MAML3: variants seen among roughly 807,000 people sequenced by gnomAD.
MAML3 encodes mastermind like transcriptional coactivator 3.
A neutral mutation model predicts 101.9 loss-of-function variants in MAML3; 27 were observed. The ratio of observed to expected loss-of-function variants is 0.27; its 90% confidence interval spans 0.20 to 0.37. The LOEUF is 0.37. MAML3 is among the 10% of genes least tolerant of loss of function. The probability of loss-of-function intolerance (pLI) is 1.00; values close to 1 mark genes in which losing one functional copy is unlikely to be tolerated. For synonymous variants in MAML3, 501 were observed against 555.9 expected (o/e 0.90, Z 1.39); for missense variants, 1,316 against 1,444.9 (o/e 0.91, Z 1.45).
chr4:139,953,524 G>A (rs994894459), intron 1 of MAML3, among the ~76,000 whole-genome samples: 5 of 152,310 alleles, frequency 3.3e-5, no homozygotes, highest in Middle Eastern at 3.4e-3. Flanking sequence ...TACTCAGGAG[G>A]CTGAGGCAGG....
At chr4:140,056,103 G>A (rs1727344596) in intron 1 of MAML3, among the ~76,000 whole-genome samples, 1 of 152,328 alleles carries the variant, frequency 6.6e-6, no homozygotes, top group Admixed American at 6.5e-5. Context: ...TGGCTGAGAT[G>A]TTCCCAGAGG....
At chr4:139,898,076 T>C (rs1420826779) in intron 1 of MAML3, among the ~76,000 whole-genome samples, 1 of 152,188 alleles carries the variant, frequency 6.6e-6, no homozygotes, top group African/African-American at 2.4e-5. Flanking sequence ...TTCCTACAAC[T>C]CCTGATGTTG....
intron 1 of MAML3, among the ~76,000 whole-genome samples, chr4:140,083,599 C>T (rs1434345602): frequency 6.6e-6 from 1 of 152,180 alleles, no homozygotes; most frequent in Admixed American, 6.5e-5. Context: ...ACATGCAGGT[C>T]TGCCTGTCAA....
At chr4:140,134,397 G>C (rs1234493306) in intron 1 of MAML3, 2 of 456,676 alleles carry the variant, frequency 4.4e-6, no homozygotes, top group South Asian at 3.1e-5. Flanking sequence ...CACCTCCAGG[G>C]CACAGGCATA....
intron 2 of MAML3, among the ~76,000 whole-genome samples, chr4:139,769,152 T>G (rs2111064909): frequency 6.6e-6 from 1 of 152,278 alleles, no homozygotes; most frequent in African/African-American, 2.4e-5. Context: ...GCAGAACCCT[T>G]CAGGATGGGA....
intron 1 of MAML3, among the ~76,000 whole-genome samples, chr4:139,891,381 C>T (rs574500306): frequency 1.3e-5 from 2 of 152,270 alleles, no homozygotes; most frequent in South Asian, 2.1e-4. Context: ...CAGGTTCAAG[C>T]GATTCTGCTG....
intron 1 of MAML3, among the ~76,000 whole-genome samples, chr4:139,900,010 T>C (rs1732685387): frequency 6.6e-6 from 1 of 152,154 alleles, no homozygotes. Context: ...TTAGTGGGCA[T>C]CTGAAATAAT....
chr4:140,040,858 A>G (rs1727075280), intron 1 of MAML3, among the ~76,000 whole-genome samples: 1 of 152,074 alleles, frequency 6.6e-6, no homozygotes, highest in East Asian at 1.9e-4. Context: ...CCCTCCTTCT[A>G]TTCTTGAGAC....
intron 2 of MAML3, among the ~76,000 whole-genome samples, chr4:139,888,903 T>C (rs1007590503): frequency 6.6e-6 from 1 of 152,192 alleles, no homozygotes; most frequent in Non-Finnish European, 1.5e-5. Flanking sequence ...TTTCCCATTA[T>C]TCATAATTCA....
intron 1 of MAML3, among the ~76,000 whole-genome samples, chr4:139,939,723 G>A (rs1733564586): frequency 6.7e-6 from 1 of 149,904 alleles, no homozygotes; most frequent in African/African-American, 2.5e-5. Context: ...ACAAGGCATA[G>A]TACAGTGTTT....
chr4:140,071,810 T>C (rs1467826208), intron 1 of MAML3, among the ~76,000 whole-genome samples: 1 of 148,676 alleles, frequency 6.7e-6, no homozygotes, highest in African/African-American at 2.5e-5. Context: ...TGCTTTATGT[T>C]CTCAGTGACC....
intron 1 of MAML3, among the ~76,000 whole-genome samples, chr4:140,079,764 T>C (rs1727834771): frequency 6.6e-6 from 1 of 152,214 alleles, no homozygotes; most frequent in African/African-American, 2.4e-5. Flanking sequence ...GACTGAATTC[T>C]GCATTACTAA....
At chr4:139,780,055 A>G (rs927070688) in intron 2 of MAML3, among the ~76,000 whole-genome samples, 2 of 152,188 alleles carry the variant, frequency 1.3e-5, no homozygotes, top group African/African-American at 4.8e-5. Context: ...AGACCATGTA[A>G]CCTAGAGCCA....
At chr4:140,054,185 C>A (rs892104061) in intron 1 of MAML3, among the ~76,000 whole-genome samples, 1 of 151,964 alleles carries the variant, frequency 6.6e-6, no homozygotes, top group Non-Finnish European at 1.5e-5. Flanking sequence ...GCCTGGCCAA[C>A]ATGGTGAAAC....
At chr4:140,138,829 C>G (rs947970195) in intron 1 of MAML3, among the ~76,000 whole-genome samples, 6 of 152,148 alleles carry the variant, frequency 3.9e-5, no homozygotes, top group South Asian at 2.1e-4. Context: ...AGCCCAAACT[C>G]AAGAATAAAG....
At chr4:139,863,368 GA>G (rs1731823991) in intron 2 of MAML3, among the ~76,000 whole-genome samples, 1 of 44,768 alleles carries the variant, frequency 2.2e-5, no homozygotes, top group Non-Finnish European at 5.2e-5. Flanking sequence ...TTTTCCTTTT[GA>G]GACAGAGTTT....
intron 2 of MAML3, among the ~76,000 whole-genome samples, chr4:139,880,207 T>A (rs913928100): frequency 6.6e-6 from 1 of 152,048 alleles, no homozygotes; most frequent in Non-Finnish European, 1.5e-5. Flanking sequence ...AAAAAACCTC[T>A]TTCTTCTAGA....
chr4:139,791,305 T>G (rs758070222), intron 2 of MAML3, among the ~76,000 whole-genome samples: 1 of 152,090 alleles, frequency 6.6e-6, no homozygotes, highest in Non-Finnish European at 1.5e-5. Flanking sequence ...GAGACCAGTC[T>G]GGACAACATG....
rs546670325 is a variant in MAML3, at chr4:140,122,655, A to G, written c.468+30205T>C. Among the ~76,000 whole-genome samples, 623 of 150,742 alleles carry G rather than the reference A, an allele frequency of 4.1e-3. 4 individuals carry two copies. The highest frequency in any genetic ancestry group is 4.1e-3 in the Non-Finnish European group (273 of 67,092). On this transcript the variant is annotated intron_variant, in intron 1 of 4. Transcript: ENST00000509479. ...AAAATACAAAAAATTAGCCGGGCGT[A>G]GTGGCGGGCGCCTGTAGTCCCAGCT...
Sources: allele counts gnomAD v4.1 joint callset (sites outside exome capture counted in the v4.1 genomes callset), GRCh38; gene constraint gnomAD v4.1.1; transcripts MANE v1.5; gene names NCBI Gene and HGNC (gene_info 2026-07-23, HGNC 2026-07-21).